The following DRC11 variants were observed in gnomAD, a reference collection of about 807,000 sequenced individuals.
The protein encoded by DRC11 is dynein regulatory complex subunit 11, also known as IQ and AAA domain-containing protein 1.
the DRC11 span, among the ~76,000 whole-genome samples, chr2:236,443,167 A>G: frequency 6.6e-6 from 1 of 152,214 alleles, no homozygotes; most frequent in Non-Finnish European, 1.5e-5. This position sits in a 1 kb window ranked among gnomAD's most constrained non-coding sequence, Gnocchi z 4.4. Context: ...CAAATAAAAT[A>G]AAAGTCGAAG....
the DRC11 span, among the ~76,000 whole-genome samples, chr2:236,435,811 A>G: frequency 2.0e-5 from 3 of 152,310 alleles, no homozygotes; most frequent in Admixed American, 2.0e-4. Flanking sequence ...CCAGCAGAGA[A>G]TGTATGTGCC....
At chr2:236,359,197 G>C in the DRC11 span, among the ~76,000 whole-genome samples, 2 of 151,248 alleles carry the variant, frequency 1.3e-5, no homozygotes, top group Non-Finnish European at 3.0e-5. This position sits in a 1 kb window ranked among gnomAD's most constrained non-coding sequence, Gnocchi z 4.3. Context: ...TCCCCTAGTA[G>C]ACTATATATA....
the DRC11 span, among the ~76,000 whole-genome samples, chr2:236,353,772 G>A: frequency 6.6e-6 from 1 of 151,976 alleles, no homozygotes; most frequent in East Asian, 1.9e-4. The surrounding 1 kb of genome is among the most constrained non-coding windows in gnomAD (Gnocchi z 5.0). Context: ...TGTCTGAATG[G>A]GTGTCGCTGA....
chr2:236,481,103 T>C, the DRC11 span, among the ~76,000 whole-genome samples: 1 of 152,246 alleles, frequency 6.6e-6, no homozygotes, highest in South Asian at 2.1e-4. Context: ...TTCTACAGTG[T>C]GGTGCTGCTG....
the DRC11 span, among the ~76,000 whole-genome samples, chr2:236,383,569 T>C: frequency 1.9e-4 from 29 of 152,262 alleles, no homozygotes; most frequent in East Asian, 3.3e-3. Context: ...GCATTTATTG[T>C]GAAAAACTTC....
chr2:236,470,921 G>T, the DRC11 span, among the ~76,000 whole-genome samples: 2 of 152,128 alleles, frequency 1.3e-5, no homozygotes, highest in African/African-American at 4.8e-5. This position sits in a 1 kb window ranked among gnomAD's most constrained non-coding sequence, Gnocchi z 5.1. Context: ...TAGGAACTGG[G>T]TTATAAGAGG....
the DRC11 span, among the ~76,000 whole-genome samples, chr2:236,453,907 G>T: frequency 6.6e-6 from 1 of 152,154 alleles, no homozygotes. The surrounding 1 kb of genome is among the most constrained non-coding windows in gnomAD (Gnocchi z 4.9). Context: ...CTCCCAAAGT[G>T]CTGGGATTAC....
chr2:236,351,684 G>A, the DRC11 span, among the ~76,000 whole-genome samples: 4 of 152,128 alleles, frequency 2.6e-5, no homozygotes, highest in Admixed American at 6.5e-5. The surrounding 1 kb of genome is among the most constrained non-coding windows in gnomAD (Gnocchi z 7.3). Context: ...AGGTGTGGGC[G>A]GTGGGCACAG....
chr2:236,473,845 G>A, the DRC11 span, among the ~76,000 whole-genome samples: 2 of 152,088 alleles, frequency 1.3e-5, no homozygotes, highest in African/African-American at 4.8e-5. This position sits in a 1 kb window ranked among gnomAD's most constrained non-coding sequence, Gnocchi z 4.8. Context: ...AATGCATGAT[G>A]ATGTCTCTTG....
the DRC11 span, among the ~76,000 whole-genome samples, chr2:236,421,783 T>TTGA: frequency 6.6e-6 from 1 of 151,456 alleles, no homozygotes; most frequent in Admixed American, 6.6e-5. Context: ...ACCAATATCC[T>TTGA]TGAACATTGA....
At chr2:236,481,594 T>A in the DRC11 span, among the ~76,000 whole-genome samples, 1 of 152,130 alleles carries the variant, frequency 6.6e-6, no homozygotes, top group Non-Finnish European at 1.5e-5. Flanking sequence ...ATTCTGACAT[T>A]TTGGTGAGCT....
the DRC11 span, among the ~76,000 whole-genome samples, chr2:236,335,352 C>T: frequency 3.9e-5 from 6 of 152,210 alleles, no homozygotes; most frequent in South Asian, 2.1e-4. The surrounding 1 kb of genome is among the most constrained non-coding windows in gnomAD (Gnocchi z 5.6). Context: ...GGGGCGATGA[C>T]GTCGGCCAGA....
At chr2:236,389,917 C>T in the DRC11 span, among the ~76,000 whole-genome samples, 113 of 152,180 alleles carry the variant, frequency 7.4e-4, no homozygotes, top group Middle Eastern at 3.4e-3. Context: ...TGTGATATAT[C>T]CTGGAGAATG....
At chr2:236,320,717 C>T in the DRC11 span, among the ~76,000 whole-genome samples, 1 of 152,166 alleles carries the variant, frequency 6.6e-6, no homozygotes, top group Non-Finnish European at 1.5e-5. Flanking sequence ...ATTACTGTCC[C>T]CTCCACTTCA....
At chr2:236,346,949 G>A in the DRC11 span, among the ~76,000 whole-genome samples, 3 of 152,210 alleles carry the variant, frequency 2.0e-5, no homozygotes, top group African/African-American at 7.2e-5. Flanking sequence ...AGCATCTCAA[G>A]TGAGCATGCG....
the DRC11 span, among the ~76,000 whole-genome samples, chr2:236,322,321 G>A: frequency 1.2e-4 from 16 of 138,126 alleles, no homozygotes; most frequent in Non-Finnish European, 2.3e-4. Context: ...TGCAAGCTCC[G>A]CCTCCCGGGT....
chr2:236,408,204 C>T, the DRC11 span: 1 of 766,650 alleles, frequency 1.3e-6, no homozygotes, highest in Admixed American at 1.7e-5. The surrounding 1 kb of genome is among the most constrained non-coding windows in gnomAD (Gnocchi z 5.5). Context: ...TAAGGTAGCC[C>T]TGGCCGATCT....
At chr2:236,319,133 G>A in the DRC11 span, among the ~76,000 whole-genome samples, 1 of 152,130 alleles carries the variant, frequency 6.6e-6, no homozygotes, top group African/African-American at 2.4e-5. This position sits in a 1 kb window ranked among gnomAD's most constrained non-coding sequence, Gnocchi z 6.7. Context: ...CTTCTTCATC[G>A]CAGCCTGCAC....
the DRC11 span, among the ~76,000 whole-genome samples, chr2:236,321,770 GA>G: frequency 6.6e-6 from 1 of 152,100 alleles, no homozygotes; most frequent in South Asian, 2.1e-4. Flanking sequence ...GCATTTCAAG[GA>G]TATCACTTCT....
Sources: allele counts gnomAD v4.1 joint callset (sites outside exome capture counted in the v4.1 genomes callset), GRCh38; gene constraint gnomAD v4.1.1; non-coding constraint Gnocchi (gnomAD v3.1); transcripts MANE v1.5; gene names NCBI Gene and HGNC (gene_info 2026-07-23, HGNC 2026-07-21).